Variants in GOLPH3L observed in about 807,000 individuals in gnomAD.
GOLPH3L encodes golgi phosphoprotein 3 like.
Under a neutral mutation model 30.3 loss-of-function variants are expected in GOLPH3L, and 22 were observed. The observed-to-expected ratio is 0.73, with a 90% CI of 0.52 to 1.04. The LOEUF (loss-of-function observed/expected upper bound fraction) is 1.04, where lower values mean the gene tolerates loss of function less well. GOLPH3L is among the 50% of genes least tolerant of loss of function. The pLI is 0.00. For synonymous variants in GOLPH3L, 120 were observed against 128.2 expected, an observed-to-expected ratio of 0.94 and a Z score of 0.43; for missense variants, 303 against 345.8, an observed-to-expected ratio of 0.88 and a Z score of 0.98.
Position 150,663,039 on chromosome 1 carries a change from A to ATT in GOLPH3L, c.315+591_315+592dup, listed in dbSNP as rs11432766. On this transcript the variant is annotated intron_variant, in intron 3 of 4. Transcript: ENST00000271732. ...TCCCTACATCATACTCTATTTCGTA[A>ATT]TTTTTTTTTTTTAGAGACGGAGTCT... Among the ~76,000 whole-genome samples, 49 of 147,786 alleles carry ATT rather than the reference A, an allele frequency of 3.3e-4. 1 individual carries two copies. The highest frequency in any genetic ancestry group is 3.0e-3 in the South Asian group (14 of 4,646).
chr1:150,683,121 G>A (rs1339628651), intron 2 of GOLPH3L, among the ~76,000 whole-genome samples: 1 of 152,148 alleles, frequency 6.6e-6, no homozygotes, highest in Non-Finnish European at 1.5e-5. Flanking sequence ...GGTACTCAAG[G>A]CCGGGTGCAG....
intron 4 of GOLPH3L, among the ~76,000 whole-genome samples, chr1:150,657,399 C>T (rs778704710): frequency 2.6e-5 from 4 of 152,220 alleles, no homozygotes; most frequent in African/African-American, 7.2e-5. Flanking sequence ...TATTATCTAG[C>T]GATGCCCAAC....
At chr1:150,675,921 A>G (rs1650765232) in intron 2 of GOLPH3L, among the ~76,000 whole-genome samples, 1 of 150,562 alleles carries the variant, frequency 6.6e-6, no homozygotes, top group East Asian at 1.9e-4. Flanking sequence ...AGAAAACACA[A>G]CCCCAATTTT....
At chr1:150,675,588 A>G (rs1056084437) in intron 2 of GOLPH3L, among the ~76,000 whole-genome samples, 1 of 151,916 alleles carries the variant, frequency 6.6e-6, no homozygotes, top group Non-Finnish European at 1.5e-5. Context: ...CAGCCTGGGC[A>G]GCATGTTGAA....
chr1:150,686,457 G>A (rs965764155), intron 2 of GOLPH3L, among the ~76,000 whole-genome samples: 12 of 151,968 alleles, frequency 7.9e-5, no homozygotes, highest in African/African-American at 2.9e-4. Context: ...CTCCCATTTT[G>A]GCCTCCCAAA....
intron 2 of GOLPH3L, among the ~76,000 whole-genome samples, chr1:150,689,018 G>C (rs1651151795): frequency 6.6e-6 from 1 of 151,986 alleles, no homozygotes; most frequent in South Asian, 2.1e-4. Flanking sequence ...AATTGTTTTT[G>C]TTCTCTCTTT....
chr1:150,666,827 AT>A (rs1333130338), intron 2 of GOLPH3L, among the ~76,000 whole-genome samples: 3 of 152,056 alleles, frequency 2.0e-5, no homozygotes, highest in Non-Finnish European at 4.4e-5. Flanking sequence ...TTTTAGTCTG[AT>A]TATTTTAATA....
chr1:150,682,148 T>C (rs900841421), intron 2 of GOLPH3L, among the ~76,000 whole-genome samples: 3 of 152,112 alleles, frequency 2.0e-5, no homozygotes, highest in African/African-American at 7.2e-5. Flanking sequence ...ATTTTAACAG[T>C]AGTTATCTTT....
intron 2 of GOLPH3L, among the ~76,000 whole-genome samples, chr1:150,669,551 G>A (rs1256988208): frequency 6.6e-6 from 1 of 152,094 alleles, no homozygotes; most frequent in Non-Finnish European, 1.5e-5. Context: ...ATTACCAAAG[G>A]CTATCTAAAG....
chr1:150,686,363 C>T (rs1342830375), intron 2 of GOLPH3L, among the ~76,000 whole-genome samples: 6 of 151,986 alleles, frequency 3.9e-5, no homozygotes, highest in African/African-American at 1.5e-4. Context: ...TATAGGTTCA[C>T]GCAGGGCTGT....
At chr1:150,688,780 T>C (rs1165175955) in intron 2 of GOLPH3L, among the ~76,000 whole-genome samples, 2 of 152,058 alleles carry the variant, frequency 1.3e-5, no homozygotes, top group African/African-American at 4.8e-5. Context: ...AAAAGAGTTA[T>C]CACCTCCTGT....
At chr1:150,664,539 C>T (rs587691841) in intron 2 of GOLPH3L, among the ~76,000 whole-genome samples, 9 of 152,004 alleles carry the variant, frequency 5.9e-5, no homozygotes, top group South Asian at 4.2e-4. Context: ...CTGCAACCTC[C>T]GCCTCCCAGG....
intron 2 of GOLPH3L, among the ~76,000 whole-genome samples, chr1:150,667,236 C>A (rs1478164009): frequency 6.6e-6 from 1 of 151,968 alleles, no homozygotes; most frequent in Non-Finnish European, 1.5e-5. Flanking sequence ...TTTGGGGGCC[C>A]CTTGAAGATT....
At chr1:150,664,380 T>TG (rs1650447507) in intron 2 of GOLPH3L, among the ~76,000 whole-genome samples, 1 of 152,032 alleles carries the variant, frequency 6.6e-6, no homozygotes, top group Admixed American at 6.6e-5. Flanking sequence ...AATTTCAGAG[T>TG]GGGGTAAAAT....
chr1:150,649,153 T>C (rs1375166394), intron 4 of GOLPH3L, among the ~76,000 whole-genome samples: 2 of 152,246 alleles, frequency 1.3e-5, no homozygotes, highest in Non-Finnish European at 2.9e-5. Context: ...GCAGAAGCTC[T>C]ATCCCAGGCC....
Position 150,650,905 on chromosome 1 carries a change from C to T in GOLPH3L, c.431-2157G>A, listed in dbSNP as rs75343642. On this transcript the variant is annotated intron_variant, in intron 4 of 4. Coordinates refer to ENST00000271732, the MANE Select transcript of GOLPH3L (RefSeq NM_018178.6). Reference sequence around the variant, plus strand: ...AGGCAATGGAAACTGCCTTTGAGAACGCTAAAATGTTGGACTTTACAAAGA... The same window carrying T: ...AGGCAATGGAAACTGCCTTTGAGAATGCTAAAATGTTGGACTTTACAAAGA... 4.6e-5 allele frequency among the ~76,000 whole-genome samples: 7 copies of T among 152,288 alleles called. No individual in the cohort carries two copies. The East Asian group carries it at 7.7e-4, about 17-fold the overall frequency.
rs1342161580 is a variant in GOLPH3L at position 150,694,821 on chromosome 1, G to A, written c.18C>T (p.His6=). The change falls in exon 2 of 5, where the codon CAC becomes CAT. Residue 6 remains histidine, a synonymous_variant. Coordinates refer to ENST00000271732, the MANE Select transcript of GOLPH3L (RefSeq NM_018178.6). The part of the protein sequence containing the change: MTTLT[H]RARRTEISKN... ...TGCTTATTTCAGTGCGACGGGCCCG[G>A]TGAGTTAAAGTGGTCATTCTCACCT... 4 of 1,607,610 alleles carry A rather than the reference G, an allele frequency of 2.5e-6. No individual in the cohort carries two copies. Among genetic ancestry groups the A allele is most frequent in the East Asian group, 4.5e-5 (2 of 44,832 alleles).
chr1:150,688,506 C>G (rs978534889), intron 2 of GOLPH3L, among the ~76,000 whole-genome samples: 1 of 152,170 alleles, frequency 6.6e-6, no homozygotes, highest in African/African-American at 2.4e-5. Flanking sequence ...AATCCCAGCA[C>G]TTTGGGAGGC....
chr1:150,669,538 C>T (rs1015563759), intron 2 of GOLPH3L, among the ~76,000 whole-genome samples: 1 of 152,188 alleles, frequency 6.6e-6, no homozygotes, highest in Admixed American at 6.6e-5. Flanking sequence ...ATCATTAAAT[C>T]TCATTACCAA....
Sources: gnomAD v4.1 joint callset for allele counts (sites outside exome capture counted in the v4.1 genomes callset) on GRCh38, gnomAD v4.1.1 for gene constraint, MANE v1.5 for transcripts, NCBI Gene and HGNC (gene_info 2026-07-23, HGNC 2026-07-21) for gene names.